IL19: variants seen among roughly 807,000 people sequenced by gnomAD.
IL19 encodes interleukin 19.
Under a neutral mutation model 19.5 loss-of-function variants are expected in IL19, and 15 were observed. The observed-to-expected ratio is 0.77, with a 90% CI of 0.52 to 1.19. The LOEUF is 1.19. Ranked by LOEUF, IL19 falls within the 50% of genes most tolerant of loss-of-function variation. The pLI, the probability that IL19 is intolerant of heterozygous loss-of-function variation, is 0.00. For missense variants in IL19, 199 were observed against 213.1 expected (o/e 0.93, Z 0.41); for synonymous variants, 78 against 78.3 (o/e 1.00, Z 0.02).
At chr1:206,811,895 C>T (rs1676023283) in intron 2 of IL19, among the ~76,000 whole-genome samples, 1 of 152,158 alleles carries the variant, frequency 6.6e-6, no homozygotes, top group East Asian at 1.9e-4. Flanking sequence ...GCTTTCCTGT[C>T]CAAAAATCTT....
At chr1:206,801,387 C>T (rs1341250807) in intron 2 of IL19, among the ~76,000 whole-genome samples, 1 of 152,194 alleles carries the variant, frequency 6.6e-6, no homozygotes, top group Non-Finnish European at 1.5e-5. Context: ...GAGGCAACTT[C>T]CTGGACCTTT....
chr1:206,812,757 T>G (rs1422779931), intron 2 of IL19, among the ~76,000 whole-genome samples: 2 of 152,256 alleles, frequency 1.3e-5, no homozygotes, highest in Non-Finnish European at 2.9e-5. Flanking sequence ...AAGAAGGAAG[T>G]TATAAATATA....
chr1:206,794,601 C>T (rs985681681), intron 1 of IL19, among the ~76,000 whole-genome samples: 19 of 152,198 alleles, frequency 1.2e-4, no homozygotes, highest in Non-Finnish European at 2.2e-4. Context: ...TTTAGCTTCT[C>T]AAGTTCAGGA....
chr1:206,837,071 A>C (rs757164104), intron 4 of IL19, 48 bp downstream of exon 4: 1 of 1,460,564 alleles, frequency 6.8e-7, no homozygotes, highest in Non-Finnish European at 9.6e-7. Flanking sequence ...TTCATGTCTA[A>C]ATGGCTCTGG....
intron 2 of IL19, among the ~76,000 whole-genome samples, chr1:206,815,349 G>A (rs905340413): frequency 2.0e-5 from 3 of 152,224 alleles, no homozygotes; most frequent in Non-Finnish European, 4.4e-5. Flanking sequence ...TCATGTCTCA[G>A]TGGGAAGAAT....
At chr1:206,841,500 A>T (rs978872113) in intron 6 of IL19, among the ~76,000 whole-genome samples, 3 of 152,192 alleles carry the variant, frequency 2.0e-5, no homozygotes, top group Non-Finnish European at 4.4e-5. Context: ...TCTCATGTTG[A>T]TGTTGGTGTA....
chr1:206,842,601 T>C lies in IL19; in HGVS notation c.513T>C (p.His171=). The C allele has an allele frequency of 6.4e-7, 1 of 1,568,032 alleles. No homozygotes were observed. The highest frequency in any genetic ancestry group is 8.7e-7 in the Non-Finnish European group (1 of 1,152,668). Residue 171 remains histidine, a synonymous_variant, in exon 7 of 7, where the codon CAT becomes CAC. Transcript: ENST00000659997. ...TTCTAGCCTGGATTAATAAGAATCA[T>C]GAAGTAATGTTCTCAGCTTGATGAC... ...DVFLAWINKN[H]EVMFSA
chr1:206,785,715 C>T (rs1032103506), intron 1 of IL19, among the ~76,000 whole-genome samples: 2 of 152,204 alleles, frequency 1.3e-5, no homozygotes, highest in African/African-American at 4.8e-5. Context: ...TGAGGCTGTT[C>T]ATATGTCCAG....
At chr1:206,834,268 C>T (rs1011266210) in intron 2 of IL19, 1 of 985,438 alleles carries the variant, frequency 1.0e-6, no homozygotes, top group Non-Finnish European at 1.2e-6. Context: ...ACAATCTCCC[C>T]AAGGTGGATC....
chr1:206,835,691 T>C (rs763460583), intron 2 of IL19, among the ~76,000 whole-genome samples: 4 of 152,246 alleles, frequency 2.6e-5, no homozygotes, highest in African/African-American at 7.2e-5. Context: ...GTGGGCACCA[T>C]GCAAAGTGCA....
At chr1:206,806,606 G>A (rs1481036390) in intron 2 of IL19, among the ~76,000 whole-genome samples, 1 of 152,088 alleles carries the variant, frequency 6.6e-6, no homozygotes, top group Non-Finnish European at 1.5e-5. Flanking sequence ...TACAATTCCC[G>A]GAACTCTCCC....
intron 1 of IL19, among the ~76,000 whole-genome samples, chr1:206,784,358 T>C (rs1675215434): frequency 6.6e-6 from 1 of 152,160 alleles, no homozygotes; most frequent in Non-Finnish European, 1.5e-5. Flanking sequence ...CATGAGTGGT[T>C]CTGATACATA....
chr1:206,840,436 AAAACCAACAC>A (rs1192814629), intron 5 of IL19: 1 of 276,034 alleles, frequency 3.6e-6, no homozygotes, highest in East Asian at 9.8e-5. Flanking sequence ...CATCAGAAAC[AAAACCAACAC>A]AAACCAACAA....
intron 2 of IL19, among the ~76,000 whole-genome samples, chr1:206,816,155 A>T (rs968599560): frequency 2.6e-5 from 4 of 152,216 alleles, no homozygotes; most frequent in Admixed American, 2.6e-4. Flanking sequence ...GAAAAAATGC[A>T]TTGCCAGCAG....
At chr1:206,790,664 G>A (rs1675378341) in intron 1 of IL19, among the ~76,000 whole-genome samples, 1 of 152,146 alleles carries the variant, frequency 6.6e-6, no homozygotes, top group African/African-American at 2.4e-5. Context: ...TCTGACGCAA[G>A]TTTAAGGCTC....
chr1:206,824,133 C>G (rs377696351), intron 2 of IL19, among the ~76,000 whole-genome samples: 1 of 152,176 alleles, frequency 6.6e-6, no homozygotes. Context: ...AGGCTTGGGT[C>G]CCCTGGATGG....
intron 1 of IL19, among the ~76,000 whole-genome samples, chr1:206,797,372 C>T (rs950002695): frequency 2.6e-5 from 4 of 152,006 alleles, no homozygotes; most frequent in Non-Finnish European, 4.4e-5. Context: ...GACACATGGA[C>T]GTCAGAGGCA....
At chr1:206,785,762 C>A (rs1675256197) in intron 1 of IL19, among the ~76,000 whole-genome samples, 1 of 152,162 alleles carries the variant, frequency 6.6e-6, no homozygotes, top group South Asian at 2.1e-4. Flanking sequence ...ATCTCATAGA[C>A]CCCCAGCTCC....
At chr1:206,803,651 T>G (rs1409134351) in intron 2 of IL19, among the ~76,000 whole-genome samples, 1 of 152,148 alleles carries the variant, frequency 6.6e-6, no homozygotes, top group East Asian at 1.9e-4. Flanking sequence ...GGGGCTGCCT[T>G]CAGCAACACA....
Sources: allele counts gnomAD v4.1 joint callset (sites outside exome capture counted in the v4.1 genomes callset), GRCh38; gene constraint gnomAD v4.1.1; transcripts MANE v1.5; gene names NCBI Gene and HGNC (gene_info 2026-07-23, HGNC 2026-07-21).